RIC1: variants seen among roughly 807,000 people sequenced by gnomAD.
The protein encoded by RIC1 is RIC1 partner of RAB6A GEF complex.
In RIC1, 88 loss-of-function variants were observed where a neutral mutation model predicts 169.0. The ratio of observed to expected loss-of-function variants is 0.52; its 90% CI spans 0.44 to 0.62. The LOEUF is 0.62. Among genes scored for constraint, RIC1 ranks in the 20% least tolerant of loss-of-function variants. RIC1 has a pLI of 0.00. For missense variants in RIC1, 1,877 were observed against 1,725.5 expected (o/e 1.09, Z -1.56); for synonymous variants, 790 against 601.5 (o/e 1.31, Z -4.59).
In RIC1 at chr9:5,652,648, T is replaced by G. The variant is rs80168494; in HGVS notation, c.145-3935T>G. ...GTAAGATTGTGTTACCTGCAAATAGTGTTAATTTGACTTCTCCTTTCCAAT... is the reference window on the plus strand; with the variant it reads ...GTAAGATTGTGTTACCTGCAAATAGGGTTAATTTGACTTCTCCTTTCCAAT... On this transcript the variant is annotated intron_variant, in intron 1 of 25. Transcript: ENST00000414202. 5.1e-3 allele frequency among the ~76,000 whole-genome samples: 778 copies of G among 152,204 alleles called. 11 individuals are homozygous for G. The highest frequency in any genetic ancestry group is 0.018 in the African/African-American group (746 of 41,572).
In RIC1 at chr9:5,718,635, T is replaced by C. The variant is rs1191229946; in HGVS notation, c.441-1547T>C. Among the ~76,000 whole-genome samples the C allele has an allele frequency of 2.0e-5, 3 of 152,214 alleles. No individual in the cohort carries two copies. In the South Asian group the frequency reaches 6.2e-4, roughly 31 times the overall value. ...TTAGATTTTGAATTACATATTTTCA[T>C]AGCATATAGTAGTGCATCTAAAACA... On this transcript the variant is annotated intron_variant, in intron 4 of 25. Coordinates refer to ENST00000414202, the MANE Select transcript of RIC1 (RefSeq NM_020829.4).
intron 4 of RIC1, among the ~76,000 whole-genome samples, chr9:5,717,808 G>C (rs1363085672): frequency 6.6e-6 from 1 of 151,270 alleles, no homozygotes; most frequent in East Asian, 1.9e-4. Context: ...CTGCACTCTA[G>C]CCTGGGCAGC....
At chr9:5,762,246 A>G (rs564893383) in intron 17 of RIC1, among the ~76,000 whole-genome samples, 1 of 152,156 alleles carries the variant, frequency 6.6e-6, no homozygotes, top group East Asian at 1.9e-4. Flanking sequence ...CACTGAAGTG[A>G]TCTCTCATTT....
At chr9:5,660,076 G>A (rs774002239) in intron 2 of RIC1, among the ~76,000 whole-genome samples, 1 of 152,056 alleles carries the variant, frequency 6.6e-6, no homozygotes, top group Non-Finnish European at 1.5e-5. Context: ...TCATCATTCA[G>A]CTCCCACTTA....
intron 1 of RIC1, among the ~76,000 whole-genome samples, chr9:5,645,059 C>G (rs1035231423): frequency 1.3e-5 from 2 of 151,954 alleles, no homozygotes; most frequent in South Asian, 4.1e-4. Context: ...TTCGCTATAC[C>G]TATGTAGTTA....
intron 2 of RIC1, among the ~76,000 whole-genome samples, chr9:5,677,227 G>C (rs1216132594): frequency 3.9e-5 from 6 of 152,152 alleles, no homozygotes; most frequent in African/African-American, 1.4e-4. Context: ...TCTGGTAGTG[G>C]TGTAGTGATA....
chr9:5,778,437 G>C (rs918184999), downstream of RIC1, among the ~76,000 whole-genome samples: 5 of 152,162 alleles, frequency 3.3e-5, no homozygotes, highest in African/African-American at 1.2e-4. Flanking sequence ...ATGCTTATTA[G>C]GTGGCAATAG....
At chr9:5,662,277 G>A (rs1819498715) in intron 2 of RIC1, among the ~76,000 whole-genome samples, 1 of 152,090 alleles carries the variant, frequency 6.6e-6, no homozygotes, top group Non-Finnish European at 1.5e-5. Context: ...AAGCATATTG[G>A]CCTGAGGTTT....
At chr9:5,710,508 G>C (rs2130814158) in intron 3 of RIC1, among the ~76,000 whole-genome samples, 1 of 152,256 alleles carries the variant, frequency 6.6e-6, no homozygotes, top group East Asian at 1.9e-4. Context: ...AAAAGTGCTG[G>C]CTGGCCACTA....
At chr9:5,700,592 T>C (rs1325966150) in intron 3 of RIC1, among the ~76,000 whole-genome samples, 2 of 151,364 alleles carry the variant, frequency 1.3e-5, no homozygotes, top group African/African-American at 4.8e-5. Flanking sequence ...AAATATGCCT[T>C]ATAAATATAT....
At chr9:5,638,562 T>C (rs888750041) in intron 1 of RIC1, among the ~76,000 whole-genome samples, 2 of 152,240 alleles carry the variant, frequency 1.3e-5, no homozygotes, top group African/African-American at 4.8e-5. Context: ...TGATTCAATC[T>C]TGGTAGGTTG....
chr9:5,765,461 C>A lies in RIC1; in HGVS notation c.2889C>A (p.Phe963Leu), dbSNP rs979273592. 6.2e-7 allele frequency: 1 copy of A among 1,614,034 alleles called. No individual in the cohort carries two copies. Among genetic ancestry groups the A allele is most frequent in the Non-Finnish European group, 8.5e-7 (1 of 1,179,986 alleles). ...AVSRQHATLLFNTALEQGKWD... is the reference protein window; with the variant it reads ...AVSRQHATLLLNTALEQGKWD... ...GTAGGCAACATGCTACCCTTCTATT[C>A]AACACAGCACTAGAACAAGGCAAGT... The change falls in exon 20 of 26, where the codon TTC becomes TTA. Residue 963 changes from phenylalanine (F) to leucine (L), a missense_variant. Physicochemically the swap from Phe to Leu is conservative, Grantham distance 22. Coordinates refer to ENST00000414202, the MANE Select transcript of RIC1 (RefSeq NM_020829.4).
rs146824157 is a variant in RIC1 at position 5,726,860 on chromosome 9, A to T, written c.721-5528A>T. On this transcript the variant is annotated intron_variant, in intron 6 of 25. Transcript: ENST00000414202. The stretch of plus-strand genomic sequence containing the variant: ...AATTCTGGGTTGAAAATTCTTTTCT[A>T]TAAGAATGTTGAATATTGGCCCCCA... Among the ~76,000 whole-genome samples, 1,454 of 152,230 alleles carry T rather than the reference A, an allele frequency of 9.6e-3. 31 individuals are homozygous for T. Among genetic ancestry groups the T allele is most frequent in the African/African-American group, 0.034 (1,393 of 41,522 alleles).
intron 4 of RIC1, among the ~76,000 whole-genome samples, 199 bp from the exon 5 acceptor site, chr9:5,719,983 G>A (rs1823489537): frequency 6.6e-6 from 1 of 152,128 alleles, no homozygotes; most frequent in Admixed American, 6.5e-5. Context: ...GTGACTGTGA[G>A]TGCCCATAGT....
rs55944285 is a variant in RIC1 at position 5,755,922 on chromosome 9, T to TTAAATAAATAAA, written c.1693-269_1693-258dup. On this transcript the variant is annotated intron_variant, in intron 15 of 25. Coordinates refer to ENST00000414202, the MANE Select transcript of RIC1 (RefSeq NM_020829.4). ...TGGGCAACAGAGTGAGACCCCGTCT[T>TTAAATAAATAAA]TAAATAAATAAATAAATAAATAAAT... 1.3e-3 allele frequency among the ~76,000 whole-genome samples: 189 copies of TTAAATAAATAAA among 148,294 alleles called. 3 individuals are homozygous for TTAAATAAATAAA. The highest frequency in any genetic ancestry group is 4.7e-3 in the Admixed American group (70 of 14,880).
At chr9:5,764,285 TTCAGTG>T (rs1826535589) in intron 19 of RIC1, among the ~76,000 whole-genome samples, 1 of 152,182 alleles carries the variant, frequency 6.6e-6, no homozygotes. Flanking sequence ...TTTGTTTCCT[TTCAGTG>T]TGGGTTACTG....
At chr9:5,684,646 T>C (rs1251725910) in intron 2 of RIC1, among the ~76,000 whole-genome samples, 1 of 152,186 alleles carries the variant, frequency 6.6e-6, no homozygotes, top group Non-Finnish European at 1.5e-5. Flanking sequence ...TTAGGAGTCC[T>C]ATGCAAATGA....
chr9:5,709,002 G>C (rs1378797329), intron 3 of RIC1, among the ~76,000 whole-genome samples: 2 of 151,730 alleles, frequency 1.3e-5, no homozygotes, highest in Non-Finnish European at 2.9e-5. Context: ...AATTTGTTGA[G>C]TTTTACAGGA....
At chr9:5,748,923 A>C (rs1180970466) in intron 12 of RIC1, among the ~76,000 whole-genome samples, 1 of 152,204 alleles carries the variant, frequency 6.6e-6, no homozygotes, top group African/African-American at 2.4e-5. Context: ...AGACAGATGA[A>C]CTTTTAAAAC....
Sources: gnomAD v4.1 joint callset for allele counts (sites outside exome capture counted in the v4.1 genomes callset) on GRCh38, gnomAD v4.1.1 for gene constraint, MANE v1.5 for transcripts, NCBI Gene and HGNC (gene_info 2026-07-23, HGNC 2026-07-21) for gene names.